Variants in PDE10A observed in about 807,000 individuals in gnomAD.
The protein encoded by PDE10A is phosphodiesterase 10A.
Under a neutral mutation model 97.7 loss-of-function variants are expected in PDE10A, and 39 were observed. The ratio of observed to expected loss-of-function variants is 0.40; its 90% CI spans 0.31 to 0.52. PDE10A has a LOEUF of 0.52. Ranked by LOEUF, PDE10A falls within the 20% of genes least tolerant of loss-of-function variation. The probability of loss-of-function intolerance (pLI) is 0.56; values close to 1 mark genes in which losing one functional copy is unlikely to be tolerated. For synonymous variants in PDE10A, 371 were observed against 376.8 expected (o/e 0.98, Z 0.18); for missense variants, 731 against 1,047.8 (o/e 0.70, Z 4.17).
intron 18 of PDE10A, among the ~76,000 whole-genome samples, chr6:165,350,792 AG>A (rs1224939089): frequency 2.6e-5 from 4 of 152,134 alleles, no homozygotes; most frequent in Non-Finnish European, 5.9e-5. Context: ...TGGTTTTGTA[AG>A]GGGCTTCCCT....
At chr6:165,414,360 G>A (rs2128228150) in intron 12 of PDE10A, among the ~76,000 whole-genome samples, 1 of 152,250 alleles carries the variant, frequency 6.6e-6, no homozygotes. Context: ...ACATGTTTTT[G>A]GAAAACAGGA....
chr6:165,638,388 CAGAG>C (rs887207888), intron 1 of PDE10A, among the ~76,000 whole-genome samples: 5 of 149,942 alleles, frequency 3.3e-5, no homozygotes, highest in African/African-American at 9.7e-5. Flanking sequence ...AGGCAAGAGA[CAGAG>C]AGAGAGGGTG....
intron 13 of PDE10A, among the ~76,000 whole-genome samples, chr6:165,401,751 C>G (rs1786682592): frequency 6.6e-6 from 1 of 152,192 alleles, no homozygotes; most frequent in Non-Finnish European, 1.5e-5. Context: ...GCTTCCTGGA[C>G]AAGACATGAC....
chr6:165,918,701 A>T (rs936887262), intron 1 of PDE10A, among the ~76,000 whole-genome samples: 9 of 152,216 alleles, frequency 5.9e-5, no homozygotes, highest in Non-Finnish European at 8.8e-5. Context: ...TTCAGATATT[A>T]GAAATACATT....
Position 165,458,657 on chromosome 6 carries a change from G to C in PDE10A, c.1024-8295C>G, listed in dbSNP as rs77373143. Among the ~76,000 whole-genome samples, 689 of 151,490 alleles carry C rather than the reference G, an allele frequency of 4.5e-3. 7 individuals carry two copies. The highest frequency in any genetic ancestry group is 0.013 in the Admixed American group (205 of 15,196). On this transcript the variant is annotated intron_variant, in intron 3 of 21. Coordinates refer to ENST00000539869, the MANE Select transcript of PDE10A (RefSeq NM_001385079.1). Reference sequence around the variant, plus strand: ...TCTATCAATCTTTCTCTCCACACATGGACAGGCGCACGCACACACACACAC... The same window carrying C: ...TCTATCAATCTTTCTCTCCACACATCGACAGGCGCACGCACACACACACAC...
intron 1 of PDE10A, among the ~76,000 whole-genome samples, chr6:165,968,352 C>T (rs2128500146): frequency 6.6e-6 from 1 of 152,334 alleles, no homozygotes; most frequent in South Asian, 2.1e-4. Flanking sequence ...TGGTGTCACT[C>T]ACACTTGCTG....
chr6:165,622,658 G>A (rs1485798868), intron 1 of PDE10A, among the ~76,000 whole-genome samples: 1 of 151,780 alleles, frequency 6.6e-6, no homozygotes, highest in Non-Finnish European at 1.5e-5. Flanking sequence ...ATGTAGACAT[G>A]CACACACACA....
At chr6:165,508,613 TTC>T (rs1200536371) in intron 2 of PDE10A, among the ~76,000 whole-genome samples, 2 of 152,000 alleles carry the variant, frequency 1.3e-5, no homozygotes, top group African/African-American at 4.8e-5. Flanking sequence ...TGCCAAGCTA[TTC>T]TCCACACTGG....
intron 1 of PDE10A, among the ~76,000 whole-genome samples, chr6:165,958,575 A>AAGAG (rs1784240115): frequency 5.7e-5 from 2 of 34,962 alleles, no homozygotes; most frequent in South Asian, 9.9e-4. Flanking sequence ...GACAGACAGA[A>AAGAG]AGAAAGACAG....
chr6:165,962,218 A>G (rs917897975), intron 1 of PDE10A, among the ~76,000 whole-genome samples: 1 of 152,250 alleles, frequency 6.6e-6, no homozygotes, highest in African/African-American at 2.4e-5. Flanking sequence ...TGCTTGGGTT[A>G]TAGCCTTTAA....
chr6:165,505,234 A>C (rs1050462617), intron 2 of PDE10A, among the ~76,000 whole-genome samples: 2 of 152,350 alleles, frequency 1.3e-5, no homozygotes, highest in South Asian at 4.1e-4. Context: ...TTTAAATGTT[A>C]TAAATTATGA....
intron 1 of PDE10A, among the ~76,000 whole-genome samples, chr6:165,913,317 T>C (rs974509771): frequency 6.9e-6 from 1 of 144,498 alleles, no homozygotes; most frequent in Non-Finnish European, 1.5e-5. Flanking sequence ...CACAGAGTCA[T>C]CCCTCAGTGT....
chr6:165,592,714 G>C (rs530800994), intron 1 of PDE10A, among the ~76,000 whole-genome samples: 1 of 152,028 alleles, frequency 6.6e-6, no homozygotes, highest in Non-Finnish European at 1.5e-5. Context: ...AGCATCACTC[G>C]TCATTAGAGA....
intron 1 of PDE10A, among the ~76,000 whole-genome samples, chr6:165,609,349 G>C (rs1787380941): frequency 6.6e-6 from 1 of 152,128 alleles, no homozygotes; most frequent in Admixed American, 6.5e-5. Flanking sequence ...GGTACTGATG[G>C]GACATCTCTC....
At chr6:165,755,178 C>A (rs1196470976) in intron 1 of PDE10A, among the ~76,000 whole-genome samples, 3 of 152,112 alleles carry the variant, frequency 2.0e-5, no homozygotes, top group Non-Finnish European at 2.9e-5. Flanking sequence ...GGATGGCCTG[C>A]GACCAGAGGA....
intron 2 of PDE10A, among the ~76,000 whole-genome samples, chr6:165,524,282 G>A (rs912956427): frequency 6.6e-6 from 1 of 152,130 alleles, no homozygotes; most frequent in African/African-American, 2.4e-5. Flanking sequence ...GGTTCCAGAG[G>A]AACAGAATAT....
At chr6:165,979,681 C>T (rs557275422) in intron 1 of PDE10A, among the ~76,000 whole-genome samples, 2 of 152,178 alleles carry the variant, frequency 1.3e-5, no homozygotes, top group Non-Finnish European at 2.9e-5. Flanking sequence ...GGGTTATCAA[C>T]TCCCACACGG....
chr6:165,767,048 C>T (rs1475672095), intron 1 of PDE10A, among the ~76,000 whole-genome samples: 2 of 152,174 alleles, frequency 1.3e-5, no homozygotes, highest in Non-Finnish European at 2.9e-5. Context: ...CTAAAATGAA[C>T]AGAGATGCTT....
At chr6:165,431,349 C>T (rs561646749) in intron 8 of PDE10A, 73 bp downstream of exon 8, 78 of 880,180 alleles carry the variant, frequency 8.9e-5, no homozygotes, top group Middle Eastern at 6.9e-4. Flanking sequence ...ACCTCTATTC[C>T]GGTCTTCAAT....
Sources: gnomAD v4.1 joint callset for allele counts (sites outside exome capture counted in the v4.1 genomes callset) on GRCh38, gnomAD v4.1.1 for gene constraint, MANE v1.5 for transcripts, NCBI Gene and HGNC (gene_info 2026-07-23, HGNC 2026-07-21) for gene names.